CEP250: variants seen among roughly 807,000 people sequenced by gnomAD.
CEP250 encodes centrosomal protein 250, also known as centrosome-associated protein CEP250.
A neutral mutation model predicts 315.7 loss-of-function variants in CEP250; 242 were observed. That is an observed-to-expected ratio of 0.77 (90% CI 0.69 to 0.85). CEP250 has a LOEUF of 0.85. Among genes scored for constraint, CEP250 ranks in the 40% least tolerant of loss-of-function variants. The pLI is 0.00. For synonymous variants in CEP250, 1,088 were observed against 1,175.0 expected, an observed-to-expected ratio of 0.93 and a Z score of 1.51; for missense variants, 2,515 against 2,886.4, an observed-to-expected ratio of 0.87 and a Z score of 2.95.
chr20:35,503,465 T>C lies in CEP250; in HGVS notation c.5096T>C (p.Leu1699Pro). Reference protein sequence around the residue: ...KLSLRERGRELTTQRQLMQER... With the variant: ...KLSLRERGREPTTQRQLMQER... The stretch of plus-strand genomic sequence containing the variant: ...TCCTTGAGAGAGCGAGGCCGGGAGC[T>C]GACCACTCAGAGGCAGCTGATGCAG... The change falls in exon 30 of 35, where the codon CTG becomes CCG. Residue 1699 changes from leucine (L) to proline (P), a missense_variant. Leu to Pro is a moderately conservative substitution (Grantham distance 98). Transcript: ENST00000397527. The surrounding 1 kb of genome is among the most constrained non-coding windows in gnomAD (Gnocchi z 4.2). 1 of 1,613,894 alleles carries C rather than the reference T, an allele frequency of 6.2e-7. No homozygotes were observed. The highest frequency in any genetic ancestry group is 8.5e-7 in the Non-Finnish European group (1 of 1,179,992).
rs759037776 is a variant in CEP250 at position 35,511,388 on chromosome 20, CTT to C, written c.7093_7094del (p.Leu2365GlyfsTer18). ...GTGGTCCTGCTGCAAGCTCAGCTGACTTTGGAGCGGAAGCAGAAGCAGGACTA... is the reference window on the plus strand; with the variant it reads ...GTGGTCCTGCTGCAAGCTCAGCTGACTGGAGCGGAAGCAGAAGCAGGACTA... On this transcript the variant is annotated frameshift_variant, in exon 35 of 35. Transcript: ENST00000397527. LOFTEE classifies it high-confidence loss of function. 2.5e-6 allele frequency: 4 copies of C among 1,610,116 alleles called. No individual in the cohort carries two copies. Among genetic ancestry groups the C allele is most frequent in the Non-Finnish European group, 2.5e-6 (3 of 1,177,544 alleles).
At chr20:35,511,085 T>A (rs1158601359) in intron 34 of CEP250, among the ~76,000 whole-genome samples, 1 of 152,236 alleles carries the variant, frequency 6.6e-6, no homozygotes, top group Non-Finnish European at 1.5e-5. Flanking sequence ...ATTTTTCACA[T>A]GTAAATTATC....
At chr20:35,481,898 C>T (rs551338455) in intron 20 of CEP250, among the ~76,000 whole-genome samples, 26 of 152,164 alleles carry the variant, frequency 1.7e-4, no homozygotes, top group African/African-American at 2.4e-4. Flanking sequence ...CAGGGTTTCA[C>T]CATGTTGCCC....
chr20:35,507,958 T>C, intron 31 of CEP250, 77 bp from the exon 32 acceptor site: 23 of 1,601,784 alleles, frequency 1.4e-5, no homozygotes, highest in Non-Finnish European at 2.0e-5. Flanking sequence ...ACCTGCCAGA[T>C]TGGTCTGTGT....
chr20:35,489,725 C>T (rs2063629618), intron 20 of CEP250, among the ~76,000 whole-genome samples: 1 of 152,178 alleles, frequency 6.6e-6, no homozygotes, highest in African/African-American at 2.4e-5. Flanking sequence ...TATCCTAATG[C>T]TCTTATATAA....
intron 13 of CEP250, 63 bp downstream of exon 13, chr20:35,473,615 C>T (rs1455129082): frequency 6.1e-6 from 9 of 1,472,754 alleles, no homozygotes; most frequent in Non-Finnish European, 8.2e-6. Flanking sequence ...CACCATCCAG[C>T]CATTTACCCA....
Position 35,479,271 on chromosome 20 carries a change from A to G in CEP250, c.2135A>G (p.Gln712Arg), listed in dbSNP as rs2063268521. The change falls in exon 18 of 35, where the codon CAG (glutamine) becomes CGG (arginine). Residue 712 changes from glutamine to arginine, a missense_variant. Transcript: ENST00000397527. ...GAGGCAGCCACGACTCAGCTGGAGC[A>G]GCTACATCAGGAGGCAAAGCGACAG... ...QQEAATTQLE[Q>R]LHQEAKRQEE... The G allele has an allele frequency of 6.2e-7, 1 of 1,614,098 alleles. No homozygotes were observed. The highest frequency in any genetic ancestry group is 1.1e-5 in the South Asian group (1 of 91,094).
intron 5 of CEP250, 80 bp downstream of exon 5, chr20:35,463,711 G>A (rs1297950159): frequency 5.6e-6 from 7 of 1,243,244 alleles, no homozygotes; most frequent in African/African-American, 3.1e-5. Flanking sequence ...ACTGAGGGAG[G>A]TTGGAGTGTA....
At chr20:35,492,570 CAG>C (rs771202231) in intron 22 of CEP250, among the ~76,000 whole-genome samples, 23 of 152,152 alleles carry the variant, frequency 1.5e-4, no homozygotes, top group African/African-American at 5.6e-4. Context: ...CCCTGGGACA[CAG>C]AAGAGGGCTT....
chr20:35,475,688 G>A (rs760879239), intron 15 of CEP250, 42 bp downstream of exon 15: 9 of 1,604,174 alleles, frequency 5.6e-6, no homozygotes, highest in East Asian at 2.2e-5. Context: ...GGGCGGCTTC[G>A]AAAGTGTGTT....
At position 35,475,485 on chromosome 20, in the gene CEP250, T is replaced by G. The variant is rs1441227826; in HGVS notation, c.1572-17T>G. ...ATCCCTAAGAGTTCCTCTAGACCCC[T>G]CTCTTTCCCATCTTAGTCAGGAGAT... On this transcript the variant is annotated splice_polypyrimidine_tract_variant and intron_variant, in intron 14 of 34. Coordinates refer to ENST00000397527, the MANE Select transcript of CEP250 (RefSeq NM_007186.6). The G allele has an allele frequency of 6.8e-6, 11 of 1,613,554 alleles. No individual in the cohort carries two copies. Among genetic ancestry groups the G allele is most frequent in the Admixed American group, 5.0e-5 (3 of 59,978 alleles).
At chr20:35,483,720 G>C (rs2063424643) in intron 20 of CEP250, among the ~76,000 whole-genome samples, 1 of 151,812 alleles carries the variant, frequency 6.6e-6, no homozygotes, top group Non-Finnish European at 1.5e-5. Context: ...TTGTATGTCA[G>C]ACCTTTTTAC....
chr20:35,501,775 T>C (rs925043406), intron 28 of CEP250, 70 bp from the exon 29 acceptor site: 3 of 1,495,006 alleles, frequency 2.0e-6, no homozygotes, highest in African/African-American at 1.4e-5. Context: ...CATCTGCCTC[T>C]ATATCCCTCT....
At position 35,490,636 on chromosome 20, in the gene CEP250, G is replaced by A. The variant is rs748575495; in HGVS notation, c.2587-1G>A. 1 of 1,612,420 alleles carries A rather than the reference G, an allele frequency of 6.2e-7. No homozygotes were observed. Among genetic ancestry groups the A allele is most frequent in the Non-Finnish European group, 8.5e-7 (1 of 1,179,696 alleles). ...TAATGGTGTTTCCTTCATGTGGCCA[G>A]GAGAAGGAGCGCTCCTGGCACCAGC... On this transcript the variant is annotated splice_acceptor_variant, in intron 20 of 34. Transcript: ENST00000397527. LOFTEE classifies it high-confidence loss of function.
intron 16 of CEP250, among the ~76,000 whole-genome samples, chr20:35,477,412 C>T (rs2063204715): frequency 6.6e-6 from 1 of 152,210 alleles, no homozygotes; most frequent in South Asian, 2.1e-4. Flanking sequence ...ACCTCAGCCT[C>T]CTGAAGTCCT....
intron 24 of CEP250, among the ~76,000 whole-genome samples, chr20:35,496,027 A>G (rs2063825615): frequency 6.6e-6 from 1 of 152,164 alleles, no homozygotes; most frequent in Non-Finnish European, 1.5e-5. Context: ...ACGTTAGGAC[A>G]CTGTGTGGAT....
chr20:35,485,386 A>C (rs2063480598), intron 20 of CEP250, among the ~76,000 whole-genome samples: 1 of 151,834 alleles, frequency 6.6e-6, no homozygotes, highest in East Asian at 1.9e-4. Flanking sequence ...AAAAAAAAAA[A>C]AAAAGTAAAA....
chr20:35,496,590 C>G lies in CEP250; in HGVS notation c.3181C>G (p.Leu1061Val). 6.2e-7 allele frequency: 1 copy of G among 1,613,950 alleles called. No homozygotes were observed. ...EREKASLTLS[L>V]MEKEQRLLVL... ...CTCTCTTTTTAGCCTGACTCTCTCA[C>G]TGATGGAAAAGGAACAGAGACTCCT... Residue 1061 changes from leucine (L) to valine (V), a missense_variant, in exon 25 of 35, where the codon CTG becomes GTG. Transcript: ENST00000397527.
intron 17 of CEP250, among the ~76,000 whole-genome samples, chr20:35,478,832 A>G (rs950221764): frequency 1.2e-4 from 18 of 152,206 alleles, no homozygotes; most frequent in Admixed American, 6.5e-4. Flanking sequence ...TCCTGAGCCA[A>G]TGAATGACCT....
Sources: allele counts gnomAD v4.1 joint callset (sites outside exome capture counted in the v4.1 genomes callset), GRCh38; gene constraint gnomAD v4.1.1; non-coding constraint Gnocchi (gnomAD v3.1); transcripts MANE v1.5; gene names NCBI Gene and HGNC (gene_info 2026-07-23, HGNC 2026-07-21).